Variants in MYPN observed in about 807,000 individuals in gnomAD.
MYPN encodes sarcomeric protein myopalladin, 145 kDa (MYOP).
Under a neutral mutation model 129.4 loss-of-function variants are expected in MYPN, and 63 were observed. The ratio of observed to expected loss-of-function variants is 0.49; its 90% CI spans 0.40 to 0.60. MYPN has a LOEUF of 0.60. Among genes scored for constraint, MYPN ranks in the 20% least tolerant of loss-of-function variants. MYPN has a pLI of 0.00. For missense variants in MYPN, 1,596 were observed against 1,635.4 expected (o/e 0.98, Z 0.42); for synonymous variants, 629 against 600.9 (o/e 1.05, Z -0.68).
chr10:68,117,505 C>T (rs2042175486), intron 1 of MYPN, among the ~76,000 whole-genome samples: 1 of 152,022 alleles, frequency 6.6e-6, no homozygotes, highest in Non-Finnish European at 1.5e-5. Flanking sequence ...AGTGATGTCT[C>T]AGCTAGGAAC....
chr10:68,159,343 C>G (rs1403774700), intron 7 of MYPN, among the ~76,000 whole-genome samples: 1 of 152,196 alleles, frequency 6.6e-6, no homozygotes, highest in African/African-American at 2.4e-5. Context: ...TCATCTCACA[C>G]CTTCACCAAC....
At chr10:68,138,104 T>TTTC (rs1232221731) in intron 2 of MYPN, among the ~76,000 whole-genome samples, 219 of 143,084 alleles carry the variant, frequency 1.5e-3, no homozygotes, top group African/African-American at 4.9e-3. Context: ...CTTTTTCTTT[T>TTTC]TTCTTCTTTT....
intron 4 of MYPN, among the ~76,000 whole-genome samples, chr10:68,146,750 C>T (rs554386325): frequency 2.0e-5 from 3 of 152,158 alleles, no homozygotes; most frequent in Non-Finnish European, 2.9e-5. Context: ...GCTTGTCAGC[C>T]TTTTAAGGTC....
intron 16 of MYPN, 58 bp downstream of exon 16, chr10:68,197,536 A>G: frequency 6.3e-7 from 1 of 1,597,150 alleles, no homozygotes; most frequent in Non-Finnish European, 8.5e-7. Flanking sequence ...ATTTGTTTGC[A>G]TTCATTTTTA....
intron 2 of MYPN, among the ~76,000 whole-genome samples, chr10:68,123,242 GT>G (rs2042274130): frequency 6.6e-6 from 1 of 152,070 alleles, no homozygotes; most frequent in African/African-American, 2.4e-5. Flanking sequence ...GCCGGGCGTG[GT>G]AACAGGCATC....
At chr10:68,125,025 C>T (rs1481955769) in intron 2 of MYPN, among the ~76,000 whole-genome samples, 1 of 152,118 alleles carries the variant, frequency 6.6e-6, no homozygotes, top group Admixed American at 6.5e-5. Flanking sequence ...CCATTAGTTT[C>T]TGGACATAGA....
chr10:68,089,820 G>C (rs1239010309), intron 1 of MYPN, among the ~76,000 whole-genome samples: 1 of 152,092 alleles, frequency 6.6e-6, no homozygotes, highest in Non-Finnish European at 1.5e-5. Flanking sequence ...AGTTATAGTG[G>C]TACTTCAGTG....
At chr10:68,171,059 G>A (rs1164878824) in intron 10 of MYPN, among the ~76,000 whole-genome samples, 3 of 150,560 alleles carry the variant, frequency 2.0e-5, no homozygotes, top group African/African-American at 4.9e-5. Flanking sequence ...TGAGGCAGGA[G>A]AATCGTTTGA....
At chr10:68,093,874 G>A (rs983414319) in intron 1 of MYPN, among the ~76,000 whole-genome samples, 3 of 152,146 alleles carry the variant, frequency 2.0e-5, no homozygotes, top group Non-Finnish European at 2.9e-5. Flanking sequence ...ACAAGGGGTG[G>A]ATTATTCACG....
At chr10:68,098,621 G>A (rs111915695) in intron 1 of MYPN, among the ~76,000 whole-genome samples, 11,921 of 151,966 alleles carry the variant, frequency 0.078, 1,232 homozygotes, top group African/African-American at 0.24. Context: ...CGAGGCGGGC[G>A]GATCATGAGG....
At chr10:68,160,344 T>C (rs2042952909) in intron 7 of MYPN, among the ~76,000 whole-genome samples, 1 of 143,978 alleles carries the variant, frequency 6.9e-6, no homozygotes, top group South Asian at 2.2e-4. Context: ...GGCAGGAGAA[T>C]CACTTGAACC....
At chr10:68,201,696 A>G (rs1255143460) in intron 17 of MYPN, 133 bp from the exon 18 acceptor site, 2 of 945,800 alleles carry the variant, frequency 2.1e-6, no homozygotes, top group East Asian at 5.3e-5. Context: ...TGAACCTGGC[A>G]GGGGAGGGGT....
At chr10:68,095,142 C>T (rs1407151117) in intron 1 of MYPN, among the ~76,000 whole-genome samples, 1 of 151,888 alleles carries the variant, frequency 6.6e-6, no homozygotes, top group Non-Finnish European at 1.5e-5. Flanking sequence ...TCAGGAGTTC[C>T]AGACCAGCCT....
At chr10:68,162,917 G>C (rs2043000330) in intron 8 of MYPN, among the ~76,000 whole-genome samples, 1 of 152,154 alleles carries the variant, frequency 6.6e-6, no homozygotes, top group Non-Finnish European at 1.5e-5. Flanking sequence ...GAAGAAGCCG[G>C]GTTCTCATGC....
intron 18 of MYPN, 32 bp from the exon 19 acceptor site, chr10:68,206,738 A>C: frequency 6.2e-7 from 1 of 1,614,004 alleles, no homozygotes; most frequent in South Asian, 1.1e-5. Context: ...GCCCCCCGAT[A>C]AAATATAGGT....
intron 1 of MYPN, among the ~76,000 whole-genome samples, chr10:68,120,613 C>T (rs976782077): frequency 1.1e-4 from 16 of 152,108 alleles, no homozygotes; most frequent in Non-Finnish European, 2.9e-5. Flanking sequence ...TGTCAAAAAA[C>T]AAAAGCATTG....
chr10:68,206,831 G>T lies in MYPN; in HGVS notation c.3721G>T (p.Ala1241Ser), dbSNP rs1340955437. 1 of 1,614,198 alleles carries T rather than the reference G, an allele frequency of 6.2e-7. No homozygotes were observed. The highest frequency in any genetic ancestry group is 1.7e-5 in the Admixed American group (1 of 60,022). The part of the protein sequence containing the change: ...LLIQPAKKSD[A>S]GWYTLSAKNE... ...CATTCAGCCAGCCAAGAAATCAGAC[G>T]CTGGATGGTACACGTTGTCAGCCAA... Residue 1241 changes from alanine to serine, a missense_variant, in exon 19 of 20, where the codon GCT becomes TCT. Physicochemically the swap from Ala to Ser is moderately conservative, Grantham distance 99. Coordinates refer to ENST00000358913, the MANE Select transcript of MYPN (RefSeq NM_032578.4).
chr10:68,152,417 G>A (rs560619745), intron 6 of MYPN, among the ~76,000 whole-genome samples: 3 of 152,056 alleles, frequency 2.0e-5, no homozygotes, highest in African/African-American at 4.8e-5. Flanking sequence ...GGTGCAGAGC[G>A]GGTGTGCGCT....
rs1453026161 is a variant in MYPN at position 68,148,479 on chromosome 10, C to G, written c.1245+12C>G. On this transcript the variant is annotated intron_variant, in intron 5 of 19. Transcript: ENST00000358913. ...CAACCATCCAGCAGGTACAAGAATC[C>G]AAGCGAAACACAAGTGCCATCCACT... The G allele has an allele frequency of 1.2e-6, 2 of 1,600,490 alleles. No individual in the cohort carries two copies. Among genetic ancestry groups the G allele is most frequent in the African/African-American group, 2.7e-5 (2 of 74,674 alleles).
Sources: gnomAD v4.1 joint callset for allele counts (sites outside exome capture counted in the v4.1 genomes callset) on GRCh38, gnomAD v4.1.1 for gene constraint, MANE v1.5 for transcripts, NCBI Gene and HGNC (gene_info 2026-07-23, HGNC 2026-07-21) for gene names.